TUBGCP3: variants seen among roughly 807,000 people sequenced by gnomAD.
TUBGCP3 encodes the protein gamma-tubulin complex component 3.
TUBGCP3 carries 50 observed loss-of-function variants against 123.1 expected under a neutral mutation model. The ratio of observed to expected loss-of-function variants is 0.41; its 90% CI spans 0.32 to 0.51. TUBGCP3 has a LOEUF of 0.51. Among genes scored for constraint, TUBGCP3 ranks in the 20% least tolerant of loss-of-function variants. The pLI, the probability that TUBGCP3 is intolerant of heterozygous loss-of-function variation, is 0.36. For missense variants in TUBGCP3, 882 were observed against 1,127.0 expected (o/e 0.78, Z 3.11); for synonymous variants, 405 against 413.9 (o/e 0.98, Z 0.26).
chr13:112,562,800 C>A (rs868828724), intron 3 of TUBGCP3, among the ~76,000 whole-genome samples: 1 of 152,228 alleles, frequency 6.6e-6, no homozygotes, highest in Non-Finnish European at 1.5e-5. Context: ...CTGAATTGTA[C>A]GTGAAGAAAG....
chr13:112,583,287 C>A (rs1394761282), intron 1 of TUBGCP3, among the ~76,000 whole-genome samples: 1 of 152,168 alleles, frequency 6.6e-6, no homozygotes, highest in African/African-American at 2.4e-5. Flanking sequence ...AGAATCACAA[C>A]TCAAAAAATG....
intron 13 of TUBGCP3, 27 bp downstream of exon 13, chr13:112,526,915 A>C (rs776489987): frequency 1.3e-6 from 2 of 1,539,190 alleles, no homozygotes; most frequent in Non-Finnish European, 1.8e-6. Flanking sequence ...CATTGCCATC[A>C]TCACCACCCC....
chr13:112,499,768 G>A (rs112802170), intron 19 of TUBGCP3, among the ~76,000 whole-genome samples: 68 of 152,156 alleles, frequency 4.5e-4, no homozygotes, highest in African/African-American at 1.4e-3. Flanking sequence ...AAATATCAGT[G>A]TCACAGCAGG....
chr13:112,591,878 T>G (rs1034723468), upstream of TUBGCP3, among the ~76,000 whole-genome samples: 1 of 152,242 alleles, frequency 6.6e-6, no homozygotes, highest in African/African-American at 2.4e-5. Context: ...TTCACCTGAC[T>G]TACCCTCTCT....
At position 112,553,963 on chromosome 13, in the gene TUBGCP3, C is replaced by A. The variant is rs1055458532; in HGVS notation, c.966+94G>T. The A allele has an allele frequency of 4.6e-6, 7 of 1,533,986 alleles. No homozygotes were observed. The African/African-American group carries it at 8.3e-5, about 18-fold the overall frequency. On this transcript the variant is annotated intron_variant, in intron 8 of 21. Coordinates refer to ENST00000261965, the MANE Select transcript of TUBGCP3 (RefSeq NM_006322.6). ...TCAAAGCTGCTTTACTTGGAAAGAG[C>A]CTTAGAAGGAGCTATTTCACAGTAA...
chr13:112,578,558 CAAAAAAAAAAAAA>C (rs71131496), intron 1 of TUBGCP3, among the ~76,000 whole-genome samples: 15 of 24,914 alleles, frequency 6.0e-4, no homozygotes, highest in South Asian at 2.7e-3. Context: ...GACTCCGTCT[CAAAAAAAAAAAAA>C]AAAAAAAAAA....
intron 20 of TUBGCP3, among the ~76,000 whole-genome samples, chr13:112,492,548 G>C (rs756994525): frequency 3.9e-5 from 6 of 152,224 alleles, no homozygotes; most frequent in Non-Finnish European, 8.8e-5. Flanking sequence ...CCCCAGAGGA[G>C]CCCTGGCTAT....
In TUBGCP3 at chr13:112,566,537, T is replaced by A. The variant is rs577932574; in HGVS notation, c.185-1359A>T. ...AACTGTACATGCAACTCTTCCTATA[T>A]GGAAAAGGAAAGCTATCTTAAAACA... On this transcript the variant is annotated intron_variant, in intron 2 of 21. Transcript: ENST00000261965. Among the ~76,000 whole-genome samples the A allele has an allele frequency of 7.9e-5, 12 of 152,280 alleles. No individual in the cohort carries two copies. The East Asian group carries it at 2.3e-3, about 29-fold the overall frequency.
intron 11 of TUBGCP3, among the ~76,000 whole-genome samples, chr13:112,533,049 G>A (rs1197635694): frequency 6.6e-6 from 1 of 152,240 alleles, no homozygotes; most frequent in East Asian, 1.9e-4. Context: ...CAGAGAGGCA[G>A]TGCAGTGTTC....
intron 1 of TUBGCP3, among the ~76,000 whole-genome samples, chr13:112,577,891 T>C (rs1881952321): frequency 6.6e-6 from 1 of 152,134 alleles, no homozygotes; most frequent in African/African-American, 2.4e-5. Context: ...AGAAAGCAAC[T>C]AAAATGTGAG....
intron 20 of TUBGCP3, among the ~76,000 whole-genome samples, chr13:112,497,565 G>A: frequency 6.6e-6 from 1 of 152,176 alleles, no homozygotes; most frequent in Non-Finnish European, 1.5e-5. Context: ...CCAAGAGTTA[G>A]TACCATCATA....
At chr13:112,569,285 A>G (rs747147344) in intron 1 of TUBGCP3, 26 bp from the exon 2 acceptor site, 3 of 1,611,306 alleles carry the variant, frequency 1.9e-6, no homozygotes, top group Non-Finnish European at 2.5e-6. Flanking sequence ...AAGGATGCGG[A>G]TTGTTACCAA....
At chr13:112,565,565 A>G (rs1298533281) in intron 2 of TUBGCP3, among the ~76,000 whole-genome samples, 1 of 152,240 alleles carries the variant, frequency 6.6e-6, no homozygotes, top group Non-Finnish European at 1.5e-5. Context: ...TCCTGAATCC[A>G]AGGGCAGTAA....
chr13:112,599,408 CATTT>C, the TUBGCP3 span, among the ~76,000 whole-genome samples: 1 of 152,250 alleles, frequency 6.6e-6, no homozygotes. Context: ...TATTCTCCCT[CATTT>C]ATTTATTTAT....
intron 11 of TUBGCP3, among the ~76,000 whole-genome samples, chr13:112,534,728 G>A (rs368657920): frequency 3.3e-5 from 5 of 152,128 alleles, no homozygotes; most frequent in African/African-American, 4.8e-5. Context: ...TACCGTAGCC[G>A]GCATCCCTCA....
At chr13:112,559,557 C>A (rs1361886340) in intron 3 of TUBGCP3, among the ~76,000 whole-genome samples, 158 bp from the exon 4 acceptor site, 1 of 152,190 alleles carries the variant, frequency 6.6e-6, no homozygotes, top group African/African-American at 2.4e-5. Context: ...AACAGTGCCA[C>A]CCATCCGAAG....
At chr13:112,540,571 A>C (rs1878436252) in intron 11 of TUBGCP3, among the ~76,000 whole-genome samples, 2 of 146,404 alleles carry the variant, frequency 1.4e-5, no homozygotes, top group Admixed American at 6.8e-5. Flanking sequence ...ACACCTGGGA[A>C]TGAGGACGTC....
chr13:112,604,849 C>A, the TUBGCP3 span: 2 of 152,258 alleles, frequency 1.3e-5, no homozygotes, highest in Middle Eastern at 3.4e-3. Context: ...TTTTCTATGT[C>A]ATCAAAAAGG....
chr13:112,587,057 T>G lies in TUBGCP3; in HGVS notation c.76+848A>C, dbSNP rs557383904. Among the ~76,000 whole-genome samples the G allele has an allele frequency of 5.3e-5, 8 of 152,326 alleles. No homozygotes were observed. In the South Asian group the frequency reaches 1.5e-3, roughly 28 times the overall value. ...CTTCCTTCAAAAATTGAGTAACTTCTTTTCCACATTTTGGTGCTTAAGATG... is the reference window on the plus strand; with the variant it reads ...CTTCCTTCAAAAATTGAGTAACTTCGTTTCCACATTTTGGTGCTTAAGATG... On this transcript the variant is annotated intron_variant, in intron 1 of 21. Coordinates refer to ENST00000261965, the MANE Select transcript of TUBGCP3 (RefSeq NM_006322.6).
Sources: allele counts gnomAD v4.1 joint callset (sites outside exome capture counted in the v4.1 genomes callset), GRCh38; gene constraint gnomAD v4.1.1; transcripts MANE v1.5; gene names NCBI Gene and HGNC (gene_info 2026-07-23, HGNC 2026-07-21).